The following ARHGAP26 variants were observed in gnomAD, a reference collection of about 807,000 sequenced individuals.
ARHGAP26 encodes the protein rho GTPase-activating protein 26.
Under a neutral mutation model 104.8 loss-of-function variants are expected in ARHGAP26, and 38 were observed. The observed-to-expected ratio is 0.36, with a 90% confidence interval of 0.28 to 0.48. The LOEUF (loss-of-function observed/expected upper bound fraction) is 0.48, where lower values mean the gene tolerates loss of function less well. Among genes scored for constraint, ARHGAP26 ranks in the 20% least tolerant of loss-of-function variants. The pLI is 0.99. For missense variants in ARHGAP26, 704 were observed against 947.9 expected (o/e 0.74, Z 3.38); for synonymous variants, 341 against 340.0 (o/e 1.00, Z -0.03).
intron 11 of ARHGAP26, among the ~76,000 whole-genome samples, chr5:142,949,337 A>G (rs201086238): frequency 3.9e-4 from 51 of 130,582 alleles, no homozygotes; most frequent in Non-Finnish European, 7.6e-4. Flanking sequence ...GTTCCTCTCT[A>G]TGAACAGGCT....
chr5:142,778,606 A>T (rs1282313372), intron 1 of ARHGAP26, among the ~76,000 whole-genome samples: 1 of 152,112 alleles, frequency 6.6e-6, no homozygotes, highest in African/African-American at 2.4e-5. Context: ...GTTGGTATTT[A>T]CTCAGTTTCC....
intron 12 of ARHGAP26, among the ~76,000 whole-genome samples, chr5:143,028,036 G>C (rs1040205961): frequency 2.0e-5 from 3 of 152,182 alleles, no homozygotes; most frequent in Non-Finnish European, 2.9e-5. Context: ...AGAAAGCAAA[G>C]AGTAGAAGAG....
intron 20 of ARHGAP26, among the ~76,000 whole-genome samples, chr5:143,177,230 T>C (rs1039529550): frequency 2.0e-5 from 3 of 152,214 alleles, no homozygotes; most frequent in Non-Finnish European, 1.5e-5. Context: ...TCTTTTTCAC[T>C]AAGTTGATCA....
intron 8 of ARHGAP26, 122 bp from the exon 9 acceptor site, chr5:142,907,582 C>G (rs2152468791): frequency 2.0e-6 from 1 of 491,288 alleles, no homozygotes. Flanking sequence ...TATATTACTT[C>G]TAACATAGTT....
At chr5:143,174,876 A>G (rs909945672) in intron 20 of ARHGAP26, among the ~76,000 whole-genome samples, 4 of 152,208 alleles carry the variant, frequency 2.6e-5, no homozygotes, top group African/African-American at 9.6e-5. Context: ...TGAACTTCTA[A>G]GCCTCATACC....
intron 20 of ARHGAP26, among the ~76,000 whole-genome samples, chr5:143,204,384 CATG>C (rs1461251179): frequency 6.6e-6 from 1 of 152,070 alleles, no homozygotes; most frequent in East Asian, 1.9e-4. Flanking sequence ...ATTAGCCAGG[CATG>C]GTGGGGGGGA....
intron 11 of ARHGAP26, among the ~76,000 whole-genome samples, chr5:142,971,699 C>T (rs1772298381): frequency 6.6e-6 from 1 of 152,076 alleles, no homozygotes; most frequent in Non-Finnish European, 1.5e-5. Flanking sequence ...AAGGTAGACA[C>T]AATTATCCCT....
At chr5:143,203,172 A>G (rs564958657) in intron 20 of ARHGAP26, 43 of 152,252 alleles carry the variant, frequency 2.8e-4, no homozygotes, top group African/African-American at 8.4e-4. Context: ...TTTGCAATCT[A>G]TCTGACAAAG....
Position 142,971,646 on chromosome 5 carries a change from C to T in ARHGAP26, c.1107+39521C>T, listed in dbSNP as rs539961188. 1.6e-4 allele frequency among the ~76,000 whole-genome samples: 24 copies of T among 152,204 alleles called. No individual in the cohort carries two copies. In the South Asian group the frequency reaches 4.8e-3, roughly 30 times the overall value. On this transcript the variant is annotated intron_variant, in intron 11 of 22. Transcript: ENST00000645722. ...TTTTGAGTACTTACTGTATACCATTCTTTCTGCCAAAAAAGTCTCGTGTAT... is the reference window on the plus strand; with the variant it reads ...TTTTGAGTACTTACTGTATACCATTTTTTCTGCCAAAAAAGTCTCGTGTAT...
intron 18 of ARHGAP26, among the ~76,000 whole-genome samples, chr5:143,127,044 A>G (rs960247346): frequency 3.9e-5 from 6 of 152,184 alleles, no homozygotes; most frequent in African/African-American, 1.4e-4. Flanking sequence ...CAGAAATTAT[A>G]TTTATTACAA....
At chr5:142,798,449 G>T (rs1036428968) in intron 1 of ARHGAP26, among the ~76,000 whole-genome samples, 5 of 152,218 alleles carry the variant, frequency 3.3e-5, no homozygotes, top group African/African-American at 1.2e-4. Flanking sequence ...TCTGTCATTG[G>T]TAGGCTTCTT....
chr5:142,824,983 G>C (rs559200256), intron 1 of ARHGAP26, among the ~76,000 whole-genome samples: 4 of 152,236 alleles, frequency 2.6e-5, no homozygotes, highest in South Asian at 2.1e-4. Flanking sequence ...AATGAAAATG[G>C]ATCAGCAACT....
chr5:143,082,764 T>C (rs542005785), intron 17 of ARHGAP26, among the ~76,000 whole-genome samples: 190 of 152,368 alleles, frequency 1.2e-3, no homozygotes, highest in African/African-American at 4.5e-3. Flanking sequence ...CCTCTCCTTC[T>C]AAAGTATTTT....
chr5:142,883,759 C>G (rs1259087481), intron 4 of ARHGAP26, among the ~76,000 whole-genome samples: 1 of 152,204 alleles, frequency 6.6e-6, no homozygotes, highest in Non-Finnish European at 1.5e-5. Flanking sequence ...CCTGGGTGCC[C>G]TATCTACAGA....
At chr5:142,837,643 G>A (rs902705427) in intron 1 of ARHGAP26, among the ~76,000 whole-genome samples, 1 of 152,178 alleles carries the variant, frequency 6.6e-6, no homozygotes, top group African/African-American at 2.4e-5. Context: ...TTTCCCTGCA[G>A]TAGAAGATAC....
At chr5:143,089,920 C>T (rs1158903936) in intron 17 of ARHGAP26, among the ~76,000 whole-genome samples, 1 of 152,134 alleles carries the variant, frequency 6.6e-6, no homozygotes, top group Non-Finnish European at 1.5e-5. Flanking sequence ...AAGGGATAGC[C>T]AATTGGACTA....
At chr5:142,884,949 G>A (rs1562013693) in intron 4 of ARHGAP26, among the ~76,000 whole-genome samples, 1 of 152,164 alleles carries the variant, frequency 6.6e-6, no homozygotes, top group Non-Finnish European at 1.5e-5. Flanking sequence ...CACTGCTGCT[G>A]CTCCCCAGCC....
intron 17 of ARHGAP26, among the ~76,000 whole-genome samples, chr5:143,084,867 A>C (rs1790330968): frequency 6.6e-6 from 1 of 152,054 alleles, no homozygotes; most frequent in Non-Finnish European, 1.5e-5. Context: ...CAACGTGGTG[A>C]AACTCCGTCT....
In ARHGAP26 at chr5:142,935,330, G is replaced by T. The variant is rs78991591; in HGVS notation, c.1107+3205G>T. Among the ~76,000 whole-genome samples the T allele has an allele frequency of 1.5e-4, 23 of 152,222 alleles. No homozygotes were observed. The East Asian group carries it at 4.2e-3, about 28-fold the overall frequency. ...TTACATCTTATTATTAAAAACATGG[G>T]TCAGTAACCTTTTTCTGTAATGGGC... On this transcript the variant is annotated intron_variant, in intron 11 of 22. Coordinates refer to ENST00000645722, the MANE Select transcript of ARHGAP26 (RefSeq NM_001135608.3).
Sources: allele counts gnomAD v4.1 joint callset (sites outside exome capture counted in the v4.1 genomes callset), GRCh38; gene constraint gnomAD v4.1.1; transcripts MANE v1.5; gene names NCBI Gene and HGNC (gene_info 2026-07-23, HGNC 2026-07-21).